Variants in ZNF385D observed in about 807,000 individuals in gnomAD.
ZNF385D encodes the protein zinc finger protein 385D.
Under a neutral mutation model 35.8 loss-of-function variants are expected in ZNF385D, and 15 were observed. That is an observed-to-expected ratio of 0.42 (90% CI 0.28 to 0.64). The LOEUF is 0.64. ZNF385D is among the 30% of genes least tolerant of loss of function. ZNF385D has a pLI of 0.23. For synonymous variants in ZNF385D, 212 were observed against 186.8 expected (o/e 1.13, Z -1.10); for missense variants, 474 against 494.6 (o/e 0.96, Z 0.39).
At chr3:22,216,751 G>C (rs930327560) in intron 2 of ZNF385D, among the ~76,000 whole-genome samples, 13 of 152,174 alleles carry the variant, frequency 8.5e-5, no homozygotes, top group South Asian at 6.2e-4. Flanking sequence ...CCACACTTGC[G>C]AATTTCCTTT....
chr3:21,990,739 A>T (rs1327625356), intron 3 of ZNF385D, among the ~76,000 whole-genome samples: 1 of 152,342 alleles, frequency 6.6e-6, no homozygotes, highest in East Asian at 1.9e-4. Context: ...GCCTGTTTCT[A>T]CAACATCTAC....
At chr3:22,278,002 T>A (rs1701518862) in intron 2 of ZNF385D, among the ~76,000 whole-genome samples, 1 of 152,086 alleles carries the variant, frequency 6.6e-6, no homozygotes, top group Non-Finnish European at 1.5e-5. Flanking sequence ...TCTCCTACTT[T>A]CAGTGCTCTC....
chr3:22,040,251 T>A (rs925085733), intron 3 of ZNF385D, among the ~76,000 whole-genome samples: 8 of 152,218 alleles, frequency 5.3e-5, no homozygotes, highest in African/African-American at 1.9e-4. Context: ...TTTGAGTACA[T>A]CATCTGTTGT....
At chr3:21,691,178 A>G (rs1164305585) in intron 1 of ZNF385D, among the ~76,000 whole-genome samples, 1 of 152,082 alleles carries the variant, frequency 6.6e-6, no homozygotes, top group Non-Finnish European at 1.5e-5. Flanking sequence ...CCAATGCCAT[A>G]CCGTAAATCA....
intron 2 of ZNF385D, among the ~76,000 whole-genome samples, chr3:22,300,522 T>A (rs1362753796): frequency 6.6e-6 from 1 of 151,766 alleles, no homozygotes; most frequent in East Asian, 1.9e-4. Context: ...GACCACAGAA[T>A]AATCTGCAAA....
chr3:21,719,611 T>G (rs2068457221), intron 1 of ZNF385D, among the ~76,000 whole-genome samples: 3 of 152,186 alleles, frequency 2.0e-5, no homozygotes, highest in Admixed American at 2.0e-4. Flanking sequence ...CAAGCATGTA[T>G]AGCTACTGCA....
intron 3 of ZNF385D, among the ~76,000 whole-genome samples, chr3:21,996,307 T>C (rs374810039): frequency 6.6e-6 from 1 of 152,126 alleles, no homozygotes; most frequent in East Asian, 1.9e-4. Context: ...GTATACTTCA[T>C]TTACCTTTTC....
In ZNF385D at chr3:21,928,852, G is replaced by A. The variant is rs530003639; in HGVS notation, c.325+239965C>T. Reference sequence around the variant, plus strand: ...GATTTACTAATTAAAATTATTCACAGAGAAACACAGCCCCAGAGAGTTTTA... The same window carrying A: ...GATTTACTAATTAAAATTATTCACAAAGAAACACAGCCCCAGAGAGTTTTA... On this transcript the variant is annotated intron_variant, in intron 3 of 5. Coordinates refer to the ZNF385D transcript ENST00000494108. 5.5e-4 allele frequency among the ~76,000 whole-genome samples: 84 copies of A among 152,102 alleles called. 1 individual carries two copies. Among genetic ancestry groups the A allele is most frequent in the Non-Finnish European group, 1.1e-3 (73 of 68,000 alleles).
intron 2 of ZNF385D, among the ~76,000 whole-genome samples, chr3:22,325,022 C>T (rs1166530645): frequency 3.3e-5 from 5 of 152,280 alleles, no homozygotes; most frequent in African/African-American, 9.6e-5. Context: ...ACAGTACGTA[C>T]TTTCTAAGTT....
chr3:21,755,427 C>T (rs913683685), upstream of ZNF385D, among the ~76,000 whole-genome samples: 1 of 152,206 alleles, frequency 6.6e-6, no homozygotes, highest in Non-Finnish European at 1.5e-5. Flanking sequence ...TTGTCCTTCA[C>T]ACTCTTCACT....
At chr3:21,471,403 G>A (rs1703895111) in intron 4 of ZNF385D, among the ~76,000 whole-genome samples, 1 of 151,090 alleles carries the variant, frequency 6.6e-6, no homozygotes, top group Non-Finnish European at 1.5e-5. Flanking sequence ...TATTTTCATG[G>A]ACAAAGTTCA....
rs558055550 is a variant in ZNF385D, at chr3:22,363,700, T to C, written c.106+8750A>G. On this transcript the variant is annotated intron_variant, in intron 2 of 5. Transcript: ENST00000494108. ...ATTGGTGGACCAAGTCTGGTGAGTGTGTATTCTTACAGAACATAGGTTTGA... is the reference window on the plus strand; with the variant it reads ...ATTGGTGGACCAAGTCTGGTGAGTGCGTATTCTTACAGAACATAGGTTTGA... Among the ~76,000 whole-genome samples, 19 of 152,298 alleles carry C rather than the reference T, an allele frequency of 1.2e-4. 1 individual carries two copies. In the East Asian group the frequency reaches 3.3e-3, roughly 26 times the overall value.
chr3:21,446,930 C>A (rs1702187671), intron 4 of ZNF385D, among the ~76,000 whole-genome samples: 1 of 151,978 alleles, frequency 6.6e-6, no homozygotes, highest in Admixed American at 6.6e-5. Flanking sequence ...ACCAGGGTTT[C>A]TTTTGTAAGA....
chr3:21,815,520 T>C (rs964163327), intron 3 of ZNF385D, among the ~76,000 whole-genome samples: 1 of 152,070 alleles, frequency 6.6e-6, no homozygotes, highest in Non-Finnish European at 1.5e-5. Context: ...CCCACAGAAA[T>C]ACAAACTACC....
intron 4 of ZNF385D, among the ~76,000 whole-genome samples, chr3:21,499,281 T>C (rs1575057003): frequency 6.6e-6 from 1 of 152,144 alleles, no homozygotes; most frequent in African/African-American, 2.4e-5. Flanking sequence ...ATATACACCA[T>C]GGAATACTAT....
rs117998704 is a variant in ZNF385D, at chr3:21,609,825, G to A, written c.166-45141C>T. On this transcript the variant is annotated intron_variant, in intron 2 of 7. Transcript: ENST00000281523. ...GGCTTAAAGTCATTTCTAAAGCCACGCAAAGATAAATGGAACTCACAGGCA... is the reference window on the plus strand; with the variant it reads ...GGCTTAAAGTCATTTCTAAAGCCACACAAAGATAAATGGAACTCACAGGCA... Among the ~76,000 whole-genome samples, 91 of 152,238 alleles carry A rather than the reference G, an allele frequency of 6.0e-4. No individual in the cohort carries two copies. In the East Asian group the frequency reaches 0.012, roughly 20 times the overall value.
chr3:22,167,636 G>C lies in ZNF385D; in HGVS notation c.325+1181C>G, dbSNP rs1176911911. Among the ~76,000 whole-genome samples, 5 of 152,246 alleles carry C rather than the reference G, an allele frequency of 3.3e-5. No homozygotes were observed. The East Asian group carries it at 9.7e-4, about 29-fold the overall frequency. ...ACATGACAGAAACAGCAGTGGGGCA[G>C]AGCCAGCCCCAAAGCCGTGGGCCGA... On this transcript the variant is annotated intron_variant, in intron 3 of 5. Coordinates refer to the ZNF385D transcript ENST00000494108.
At chr3:22,170,965 C>T (rs1016344831) in intron 2 of ZNF385D, among the ~76,000 whole-genome samples, 3 of 152,020 alleles carry the variant, frequency 2.0e-5, no homozygotes, top group South Asian at 2.1e-4. Context: ...TGTAAATTTA[C>T]GTAGAGTATA....
intron 2 of ZNF385D, among the ~76,000 whole-genome samples, chr3:21,648,839 T>C (rs924543741): frequency 1.3e-5 from 2 of 152,198 alleles, no homozygotes; most frequent in African/African-American, 4.8e-5. Context: ...CGGAGTGATA[T>C]TTCATTTAGT....
Sources: allele counts gnomAD v4.1 joint callset (sites outside exome capture counted in the v4.1 genomes callset), GRCh38; gene constraint gnomAD v4.1.1; transcripts MANE v1.5; gene names NCBI Gene and HGNC (gene_info 2026-07-23, HGNC 2026-07-21).